The following LEFTY2 variants were observed in gnomAD, a reference collection of about 807,000 sequenced individuals.
LEFTY2 encodes left-right determination factor 2.
In LEFTY2, 10 loss-of-function variants were observed where a neutral mutation model predicts 26.4. The observed-to-expected ratio is 0.38, with a 90% CI of 0.23 to 0.64. The LOEUF (loss-of-function observed/expected upper bound fraction) is 0.64. Ranked by LOEUF, LEFTY2 falls within the 30% of genes least tolerant of loss-of-function variation. LEFTY2 has a pLI of 0.56. For missense variants in LEFTY2, 407 were observed against 502.1 expected (o/e 0.81, Z 1.81); for synonymous variants, 204 against 234.1 (o/e 0.87, Z 1.17).
At position 225,939,492 on chromosome 1, in the gene LEFTY2, C is replaced by T. The variant is rs769164420; in HGVS notation, c.606G>A (p.Ser202=). 2 of 1,611,268 alleles carry T rather than the reference C, an allele frequency of 1.2e-6. No homozygotes were observed. Among genetic ancestry groups the T allele is most frequent in the Admixed American group, 1.7e-5 (1 of 59,818 alleles). Residue 202 remains serine (S), a synonymous_variant, in exon 3 of 4, where the codon TCG becomes TCA. Coordinates refer to ENST00000366820, the MANE Select transcript of LEFTY2 (RefSeq NM_003240.5). This position sits in a 1 kb window ranked among gnomAD's most constrained non-coding sequence, Gnocchi z 4.1. ...GCGGGCCCAGATGCTCCCTCTGCAC[C>T]GACACCTGTAGCAGCAGCGGCTGCC... ...RPRQPLLLQV[S]VQREHLGPLA...
chr1:225,938,102 A>T (rs969599621), intron 3 of LEFTY2, among the ~76,000 whole-genome samples: 1 of 152,058 alleles, frequency 6.6e-6, no homozygotes, highest in Admixed American at 6.6e-5. Flanking sequence ...TCCCCATTCC[A>T]CCTGAGGCCA....
intron 3 of LEFTY2, among the ~76,000 whole-genome samples, chr1:225,938,658 AT>A (rs1209879240): frequency 5.1e-4 from 75 of 146,006 alleles, no homozygotes; most frequent in Admixed American, 8.2e-4. Context: ...TGGCCTTACA[AT>A]TTTTTTTTTG....
intron 3 of LEFTY2, 137 bp from the exon 4 acceptor site, chr1:225,937,941 GAGA>G: frequency 2.5e-6 from 3 of 1,181,944 alleles, no homozygotes; most frequent in South Asian, 1.7e-5. Flanking sequence ...GGATATTTGT[GAGA>G]AGATGAATAA....
chr1:225,939,344 C>T lies in LEFTY2; in HGVS notation c.737+17G>A. 1 of 1,613,360 alleles carries T rather than the reference C, an allele frequency of 6.2e-7. No homozygotes were observed. The highest frequency in any genetic ancestry group is 8.5e-7 in the Non-Finnish European group (1 of 1,179,786). ...TCAGTGGCTGCTTGCCTCCCTTCTG[C>T]CCAGTCCTGCACCTACCCATAGTCC... is the stretch of plus-strand genomic sequence containing the variant. On this transcript the variant is annotated intron_variant, in intron 3 of 3. Coordinates refer to ENST00000366820, the MANE Select transcript of LEFTY2 (RefSeq NM_003240.5). This position sits in a 1 kb window ranked among gnomAD's most constrained non-coding sequence, Gnocchi z 4.1.
chr1:225,937,313 C>G lies in LEFTY2; in HGVS notation c.*128G>C. 6.8e-7 allele frequency: 1 copy of G among 1,477,084 alleles called. No homozygotes were observed. Among genetic ancestry groups the G allele is most frequent in the Non-Finnish European group, 9.3e-7 (1 of 1,072,998 alleles). 91.5% of individuals were successfully genotyped at this position (1,477,084 alleles called of 1,614,324 possible). ...GGGAAAGACAGGAAATGGAAGGACA[C>G]AGGGCGAAGGTCACACAGGAGCACT... is the stretch of plus-strand genomic sequence containing the variant. On this transcript the variant is annotated 3_prime_UTR_variant, in exon 4 of 4. Coordinates refer to ENST00000366820, the MANE Select transcript of LEFTY2 (RefSeq NM_003240.5).
At chr1:225,938,866 CT>C (rs34986398) in intron 3 of LEFTY2, among the ~76,000 whole-genome samples, 17,677 of 112,624 alleles carry the variant, frequency 0.16, 910 homozygotes, top group East Asian at 0.27. Flanking sequence ...TCTTTGTTTC[CT>C]TTTTTTTTTT....
chr1:225,937,895 G>A, intron 3 of LEFTY2, 91 bp from the exon 4 acceptor site: 2 of 1,475,936 alleles, frequency 1.4e-6, no homozygotes, highest in Non-Finnish European at 1.8e-6. Flanking sequence ...CTGGGAGGGA[G>A]GTTTATGATC....
intron 3 of LEFTY2, among the ~76,000 whole-genome samples, chr1:225,938,597 G>T (rs371323286): frequency 3.3e-5 from 5 of 151,854 alleles, no homozygotes; most frequent in African/African-American, 1.2e-4. Flanking sequence ...CAGGTGACCC[G>T]CTGGCCTCCA....
In LEFTY2 at chr1:225,941,040, T is replaced by A; in HGVS notation, c.101A>T (p.Gln34Leu). 6.2e-7 allele frequency: 1 copy of A among 1,612,412 alleles called. No homozygotes were observed. The change falls in exon 1 of 4, where the codon CAG (glutamine) becomes CTG (leucine). Residue 34 changes from glutamine (Q) to leucine (L), a missense_variant. Gln to Leu is a moderately radical substitution (Grantham distance 113). Transcript: ENST00000366820. ...TACGGGCACCTCGCTGAGCTGCAGC[T>A]GCCGCAGCAGGCTGCCCAGGAGCTG... is the stretch of plus-strand genomic sequence containing the variant. ...EEQLLGSLLRQLQLSEVPVLD... is the reference protein window; with the variant it reads ...EEQLLGSLLRLLQLSEVPVLD...
chr1:225,940,067 G>T, intron 1 of LEFTY2, 65 bp from the exon 2 acceptor site: 1 of 1,591,874 alleles, frequency 6.3e-7, no homozygotes, highest in Admixed American at 1.7e-5. Flanking sequence ...GGATGGCAGG[G>T]CCACTGAGCT....
At position 225,941,186 on chromosome 1, in the gene LEFTY2, G is replaced by A; in HGVS notation, c.-46C>T. The A allele has an allele frequency of 1.3e-6, 2 of 1,494,254 alleles. No homozygotes were observed. The highest frequency in any genetic ancestry group is 1.4e-5 in the South Asian group (1 of 74,038). 92.6% of individuals were successfully genotyped at this position (1,494,254 alleles called of 1,614,324 possible). A position where few individuals can be genotyped will look rare whatever the true frequency, so the allele number is the denominator to read the frequency against. ...GGAGGCAGAGTGGGGCTGTCCTCTA[G>A]GGAGGTTGAAGGAGGGTCTCAGGCA... is the stretch of plus-strand genomic sequence containing the variant. On this transcript the variant is annotated 5_prime_UTR_variant, in exon 1 of 4. Transcript: ENST00000366820.
At position 225,939,123 on chromosome 1, in the gene LEFTY2, G is replaced by A. The variant is rs1406021629; in HGVS notation, c.737+238C>T. 2.6e-5 allele frequency among the ~76,000 whole-genome samples: 4 copies of A among 151,116 alleles called. No individual in the cohort carries two copies. Among genetic ancestry groups the A allele is most frequent in the Non-Finnish European group, 5.9e-5 (4 of 67,724 alleles). On this transcript the variant is annotated intron_variant, in intron 3 of 3. Transcript: ENST00000366820. This position sits in a 1 kb window ranked among gnomAD's most constrained non-coding sequence, Gnocchi z 4.1. ...CTGATCTTGTGATCCAGCCCGCCTC[G>A]GCCTCCCAAAGTGCTAGGATTACAG...
In LEFTY2 at chr1:225,939,626, A is replaced by G; in HGVS notation, c.498-26T>C. 6.2e-7 allele frequency: 1 copy of G among 1,612,390 alleles called. No individual in the cohort carries two copies. On this transcript the variant is annotated intron_variant, in intron 2 of 3. Transcript: ENST00000366820. This position sits in a 1 kb window ranked among gnomAD's most constrained non-coding sequence, Gnocchi z 4.1. ...CTGAGACATGATACACACGACACGG[A>G]GACCCAGCGCCGCTTGAGGGCGGGG...
chr1:225,937,568 G>T lies in LEFTY2; in HGVS notation c.974C>A (p.Pro325His). Residue 325 changes from proline to histidine, a missense_variant, in exon 4 of 4, where the codon CCC (proline) becomes CAC (histidine). Pro to His is a moderately conservative substitution (Grantham distance 77). Coordinates refer to ENST00000366820, the MANE Select transcript of LEFTY2 (RefSeq NM_003240.5). ...QCIASETASLPMIVSIKEGGR... is the reference protein window; with the variant it reads ...QCIASETASLHMIVSIKEGGR... ...TCCCTCCTTGATGCTGACGATCATG[G>T]GCAGCGAGGCAGTCTCCGAGGCGAT... 1 of 1,614,044 alleles carries T rather than the reference G, an allele frequency of 6.2e-7. No individual in the cohort carries two copies. The highest frequency in any genetic ancestry group is 1.1e-5 in the South Asian group (1 of 91,076).
intron 1 of LEFTY2, 41 bp from the exon 2 acceptor site, chr1:225,940,043 C>A: frequency 6.3e-7 from 1 of 1,595,092 alleles, no homozygotes. Context: ...CCCCGGACTC[C>A]AGCGGAGCTC....
Position 225,941,093 on chromosome 1 carries a change from A to G in LEFTY2, c.48T>C (p.Ala16=), listed in dbSNP as rs1423249898. 4 of 1,591,856 alleles carry G rather than the reference A, an allele frequency of 2.5e-6. No individual in the cohort carries two copies. The highest frequency in any genetic ancestry group is 1.3e-5 in the African/African-American group (1 of 74,570). ...CCTCGGTCAGGGCCGCCCCGGGGCC[A>G]GCCAGGGGCAGCACCCAGAGTGCCC... The part of the protein sequence containing the change: ...LCWALWVLPL[A]GPGAALTEEQ... Residue 16 remains alanine, a synonymous_variant, in exon 1 of 4, where the codon GCT becomes GCC. Coordinates refer to ENST00000366820, the MANE Select transcript of LEFTY2 (RefSeq NM_003240.5).
intron 1 of LEFTY2, among the ~76,000 whole-genome samples, chr1:225,940,460 C>G (rs1672293430): frequency 1.3e-5 from 2 of 152,260 alleles, no homozygotes. Flanking sequence ...AAGACATAGT[C>G]ATACCCCTGT....
chr1:225,939,308 G>T lies in LEFTY2; in HGVS notation c.737+53C>A, dbSNP rs1190094057. 1.9e-6 allele frequency: 3 copies of T among 1,611,430 alleles called. No homozygotes were observed. The highest frequency in any genetic ancestry group is 1.3e-5 in the African/African-American group (1 of 74,844). On this transcript the variant is annotated intron_variant, in intron 3 of 3. Transcript: ENST00000366820. This position sits in a 1 kb window ranked among gnomAD's most constrained non-coding sequence, Gnocchi z 4.1. ...CCCCCAGACAGTCCTGGGGACGGGG[G>T]TCTGGACCACTCAGTGGCTGCTTGC...
chr1:225,939,332 G>C lies in LEFTY2; in HGVS notation c.737+29C>G. The C allele has an allele frequency of 6.2e-7, 1 of 1,612,936 alleles. No individual in the cohort carries two copies. Among genetic ancestry groups the C allele is most frequent in the Non-Finnish European group, 8.5e-7 (1 of 1,179,672 alleles). The stretch of plus-strand genomic sequence containing the variant: ...GGTCTGGACCACTCAGTGGCTGCTT[G>C]CCTCCCTTCTGCCCAGTCCTGCACC... On this transcript the variant is annotated intron_variant, in intron 3 of 3. Transcript: ENST00000366820. The surrounding 1 kb of genome is among the most constrained non-coding windows in gnomAD (Gnocchi z 4.1).
Sources: allele counts gnomAD v4.1 joint callset (sites outside exome capture counted in the v4.1 genomes callset), GRCh38; gene constraint gnomAD v4.1.1; non-coding constraint Gnocchi (gnomAD v3.1); transcripts MANE v1.5; gene names NCBI Gene and HGNC (gene_info 2026-07-23, HGNC 2026-07-21).